Variants in MBNL2 observed in about 807,000 individuals in gnomAD.
MBNL2 encodes the protein muscleblind like splicing regulator 2, also known as muscleblind-like protein 2.
MBNL2 carries 17 observed loss-of-function variants against 41.9 expected under a neutral mutation model. The observed-to-expected ratio is 0.41, with a 90% CI of 0.28 to 0.61. MBNL2 has a LOEUF of 0.61. Among genes scored for constraint, MBNL2 ranks in the 20% least tolerant of loss-of-function variants. The probability of loss-of-function intolerance (pLI) is 0.35; values close to 1 mark genes in which losing one functional copy is unlikely to be tolerated. For synonymous variants in MBNL2, 195 were observed against 182.9 expected, an observed-to-expected ratio of 1.07 and a Z score of -0.53; for missense variants, 336 against 505.6, an observed-to-expected ratio of 0.66 and a Z score of 3.22.
intron 1 of MBNL2, among the ~76,000 whole-genome samples, chr13:97,237,842 A>G (rs1171330200): frequency 6.6e-6 from 1 of 152,164 alleles, no homozygotes; most frequent in African/African-American, 2.4e-5. Context: ...TAATTCCGTG[A>G]GCAGAGTTTA....
At chr13:97,187,002 A>T in the MBNL2 span, among the ~76,000 whole-genome samples, 22 of 152,144 alleles carry the variant, frequency 1.4e-4, no homozygotes, top group African/African-American at 5.1e-4. Flanking sequence ...CCCCTGCCTT[A>T]TTGCCACCCT....
chr13:97,383,369 T>C (rs1339813595), intron 8 of MBNL2, among the ~76,000 whole-genome samples: 1 of 152,246 alleles, frequency 6.6e-6, no homozygotes, highest in Admixed American at 6.5e-5. Flanking sequence ...CCAGATACTC[T>C]AAGTTGTCAA....
At chr13:97,176,320 C>T in the MBNL2 span, among the ~76,000 whole-genome samples, 1 of 152,152 alleles carries the variant, frequency 6.6e-6, no homozygotes, top group Non-Finnish European at 1.5e-5. Flanking sequence ...AGCAAAAATA[C>T]ATTAACTTGG....
chr13:97,281,773 G>A lies in MBNL2; in HGVS notation c.174+5364G>A, dbSNP rs181101051. On this transcript the variant is annotated intron_variant, in intron 2 of 8. Transcript: ENST00000679496. ...GCCTACTATATGCCAGGTACTTTTCGTGCATTATCTATTCCAATAACTCTG... is the reference window on the plus strand; with the variant it reads ...GCCTACTATATGCCAGGTACTTTTCATGCATTATCTATTCCAATAACTCTG... Among the ~76,000 whole-genome samples, 375 of 152,176 alleles carry A rather than the reference G, an allele frequency of 2.5e-3. 2 individuals carry two copies. The highest frequency in any genetic ancestry group is 8.5e-3 in the African/African-American group (351 of 41,520).
chr13:97,179,189 G>A, the MBNL2 span: 1 of 152,134 alleles, frequency 6.6e-6, no homozygotes, highest in African/African-American at 2.4e-5. Flanking sequence ...CTTCATTAGT[G>A]TTCACTACTC....
chr13:97,152,471 GGCCCA>G, the MBNL2 span, among the ~76,000 whole-genome samples: 1 of 152,006 alleles, frequency 6.6e-6, no homozygotes, highest in African/African-American at 2.4e-5. Flanking sequence ...GGATAAAAAA[GGCCCA>G]AGCCCCAAGC....
the MBNL2 span, among the ~76,000 whole-genome samples, chr13:97,141,934 CT>C: frequency 6.6e-6 from 1 of 152,282 alleles, no homozygotes; most frequent in Non-Finnish European, 1.5e-5. Context: ...GTGTGATCAC[CT>C]TTTCTCCTTG....
chr13:97,338,583 C>A (rs1374191558), intron 3 of MBNL2, among the ~76,000 whole-genome samples: 2 of 152,178 alleles, frequency 1.3e-5, no homozygotes, highest in Non-Finnish European at 2.9e-5. Context: ...TTCCTCCTAG[C>A]AGCTTTTCTC....
intron 2 of MBNL2, among the ~76,000 whole-genome samples, chr13:97,277,244 T>C (rs1465171151): frequency 7.2e-5 from 11 of 152,130 alleles, no homozygotes. Flanking sequence ...CCGCTAATGC[T>C]GGGGGGTGTA....
chr13:97,171,190 T>C, the MBNL2 span, among the ~76,000 whole-genome samples: 7 of 152,340 alleles, frequency 4.6e-5, no homozygotes, highest in East Asian at 1.3e-3. Context: ...GTAGTTCATA[T>C]ATAACACTTC....
chr13:97,340,445 C>T (rs1786563211), intron 3 of MBNL2, among the ~76,000 whole-genome samples: 1 of 152,132 alleles, frequency 6.6e-6, no homozygotes, highest in Non-Finnish European at 1.5e-5. Context: ...CTCATTACAT[C>T]CCTGTTGCAG....
chr13:97,354,936 A>G (rs143384092), intron 5 of MBNL2, among the ~76,000 whole-genome samples: 5 of 152,300 alleles, frequency 3.3e-5, no homozygotes, highest in African/African-American at 1.2e-4. Context: ...GCTCTATGAG[A>G]ATAGGCTTTG....
At chr13:97,371,907 C>T (rs1052403426) in intron 8 of MBNL2, among the ~76,000 whole-genome samples, 3 of 152,194 alleles carry the variant, frequency 2.0e-5, no homozygotes, top group South Asian at 2.1e-4. Context: ...TGTGTGGCCT[C>T]GCTGTTTGGA....
the MBNL2 span, among the ~76,000 whole-genome samples, chr13:97,166,256 T>C: frequency 3.9e-5 from 6 of 152,264 alleles, no homozygotes; most frequent in African/African-American, 1.4e-4. Flanking sequence ...ATGAATAGTA[T>C]GAACTGAAAA....
intron 2 of MBNL2, among the ~76,000 whole-genome samples, chr13:97,282,050 CA>C (rs35288409): frequency 1.6e-3 from 238 of 146,180 alleles, no homozygotes; most frequent in African/African-American, 5.1e-3. Flanking sequence ...TGTTGAGGTC[CA>C]AAAAAAAAAA....
upstream of MBNL2, chr13:97,221,705 T>A (rs555759493): frequency 1.3e-5 from 2 of 152,208 alleles, no homozygotes; most frequent in Non-Finnish European, 1.5e-5. Flanking sequence ...AAGTCCCAAG[T>A]GGTCTGAAAA....
chr13:97,238,214 T>C (rs1213531171), intron 1 of MBNL2, among the ~76,000 whole-genome samples: 1 of 152,132 alleles, frequency 6.6e-6, no homozygotes, highest in Non-Finnish European at 1.5e-5. Flanking sequence ...ATGTTTGAAA[T>C]CATAGAGGAA....
intron 1 of MBNL2, among the ~76,000 whole-genome samples, chr13:97,274,081 A>T (rs910317197): frequency 2.0e-5 from 3 of 152,130 alleles, no homozygotes; most frequent in South Asian, 2.1e-4. Flanking sequence ...AAAAAAAATT[A>T]AAAAACTTAA....
In MBNL2 at chr13:97,363,463, T is replaced by TGA. The variant is rs1555320029; in HGVS notation, c.1013-1672_1013-1671dup. On this transcript the variant is annotated intron_variant, in intron 7 of 8. Coordinates refer to ENST00000679496, the MANE Select transcript of MBNL2 (RefSeq NM_001382683.1). ...GTGTGTGTGTGTGTGTGTGTGTGTG[T>TGA]GATCAAAAATCTAAGGGAAGAAAGT... Among the ~76,000 whole-genome samples, 27 of 144,648 alleles carry TGA rather than the reference T, an allele frequency of 1.9e-4. 1 individual carries two copies. Among genetic ancestry groups the TGA allele is most frequent in the South Asian group, 6.7e-4 (3 of 4,478 alleles). The allele number at this position is 144,648 out of a possible 152,430, so 94.9% of individuals were successfully genotyped here. A position where few individuals can be genotyped will look rare whatever the true frequency, so the allele number is the denominator to read the frequency against.
Sources: gnomAD v4.1 joint callset for allele counts (sites outside exome capture counted in the v4.1 genomes callset) on GRCh38, gnomAD v4.1.1 for gene constraint, MANE v1.5 for transcripts, NCBI Gene and HGNC (gene_info 2026-07-23, HGNC 2026-07-21) for gene names.